The following SRGAP3 variants were observed in gnomAD, a reference collection of about 807,000 sequenced individuals.
SRGAP3 encodes the protein SLIT-ROBO Rho GTPase activating protein 3.
A neutral mutation model predicts 121.1 loss-of-function variants in SRGAP3; 39 were observed. That is an observed-to-expected ratio of 0.32 (90% confidence interval 0.25 to 0.42). SRGAP3 has a LOEUF of 0.42. Ranked by LOEUF, SRGAP3 falls within the 10% of genes least tolerant of loss-of-function variation. The pLI is 1.00. For synonymous variants in SRGAP3, 601 were observed against 570.0 expected, an observed-to-expected ratio of 1.05 and a Z score of -0.77; for missense variants, 1,213 against 1,470.6, an observed-to-expected ratio of 0.82 and a Z score of 2.86.
intron 3 of SRGAP3, among the ~76,000 whole-genome samples, chr3:9,259,904 C>T (rs574331483): frequency 6.6e-5 from 10 of 152,018 alleles, no homozygotes; most frequent in East Asian, 1.9e-4. Context: ...CAGCTCCCAG[C>T]GAGACCAAGA....
intron 1 of SRGAP3, among the ~76,000 whole-genome samples, chr3:9,186,685 A>C (rs1255281793): frequency 2.0e-5 from 3 of 152,076 alleles, no homozygotes; most frequent in African/African-American, 4.8e-5. Flanking sequence ...GCCCTCCCCA[A>C]ACCCTGCCAT....
chr3:9,028,893 T>C (rs1015489736), intron 12 of SRGAP3, among the ~76,000 whole-genome samples: 1 of 152,162 alleles, frequency 6.6e-6, no homozygotes, highest in Non-Finnish European at 1.5e-5. Flanking sequence ...GGGGCAGAAC[T>C]GGGGCCTTTA....
intron 1 of SRGAP3, among the ~76,000 whole-genome samples, chr3:9,130,627 C>A (rs1011709002): frequency 1.3e-5 from 2 of 152,198 alleles, no homozygotes; most frequent in African/African-American, 4.8e-5. Context: ...GACCGAGGCC[C>A]CTACAGGAAC....
rs943016363 is a variant in SRGAP3, at chr3:9,239,062, C to T, written c.67+9823G>A. Among the ~76,000 whole-genome samples, 2 of 152,278 alleles carry T rather than the reference C, an allele frequency of 1.3e-5. No homozygotes were observed. The highest frequency in any genetic ancestry group is 2.9e-5 in the Non-Finnish European group (2 of 68,018). On this transcript the variant is annotated intron_variant, in intron 1 of 21. Transcript: ENST00000383836. This position sits in a 1 kb window ranked among gnomAD's most constrained non-coding sequence, Gnocchi z 4.0. The stretch of plus-strand genomic sequence containing the variant: ...GAGGGAAACCCCAAATTGACTTATA[C>T]TTATTTCTGTCACCCCCAGCAGAAT...
At chr3:9,191,731 G>A (rs1052485410) in intron 1 of SRGAP3, among the ~76,000 whole-genome samples, 2 of 152,172 alleles carry the variant, frequency 1.3e-5, no homozygotes, top group East Asian at 1.9e-4. Flanking sequence ...CACATTGAAC[G>A]ATAATCCACA....
intron 5 of SRGAP3, among the ~76,000 whole-genome samples, chr3:9,063,532 T>A (rs1489931626): frequency 6.6e-6 from 1 of 151,880 alleles, no homozygotes; most frequent in African/African-American, 2.4e-5. Context: ...AGAGATGGAA[T>A]TTTGCCATTT....
chr3:9,123,589 C>A (rs1949102672), intron 2 of SRGAP3, among the ~76,000 whole-genome samples: 1 of 151,802 alleles, frequency 6.6e-6, no homozygotes, highest in South Asian at 2.1e-4. Flanking sequence ...CGTGGAATCT[C>A]AGCTACTCAG....
chr3:9,334,627 C>T (rs868429347), intron 1 of SRGAP3, among the ~76,000 whole-genome samples: 13 of 152,130 alleles, frequency 8.5e-5, no homozygotes, highest in African/African-American at 2.9e-4. Flanking sequence ...TAAACAAAGA[C>T]AAGATGGAGG....
chr3:9,148,519 G>T (rs550132797), intron 1 of SRGAP3, among the ~76,000 whole-genome samples: 4 of 152,292 alleles, frequency 2.6e-5, no homozygotes, highest in African/African-American at 9.6e-5. Context: ...TAGCTACTTT[G>T]GCAATTATTT....
intron 3 of SRGAP3, chr3:9,081,258 T>C (rs762664939): frequency 1.3e-5 from 6 of 456,532 alleles, no homozygotes; most frequent in Admixed American, 4.7e-5. Flanking sequence ...CATCTTACCA[T>C]TGCCTAGATC....
At chr3:9,101,951 A>G (rs1948232366) in intron 3 of SRGAP3, among the ~76,000 whole-genome samples, 1 of 152,224 alleles carries the variant, frequency 6.6e-6, no homozygotes, top group Admixed American at 6.5e-5. Flanking sequence ...GAAATGGAGA[A>G]TCATGAAAAG....
intron 3 of SRGAP3, among the ~76,000 whole-genome samples, chr3:9,289,107 C>T (rs1242799099): frequency 6.6e-6 from 1 of 152,020 alleles, no homozygotes; most frequent in East Asian, 1.9e-4. Context: ...CCACGTTGAT[C>T]ATGGTAGTCT....
chr3:9,187,686 C>A (rs576878008), intron 1 of SRGAP3, among the ~76,000 whole-genome samples: 1 of 152,298 alleles, frequency 6.6e-6, no homozygotes, highest in African/African-American at 2.4e-5. Context: ...ACAGGGCATG[C>A]TCTGCCTCTC....
chr3:9,264,772 A>G (rs1954322918), intron 3 of SRGAP3, among the ~76,000 whole-genome samples: 1 of 152,268 alleles, frequency 6.6e-6, no homozygotes, highest in Non-Finnish European at 1.5e-5. Context: ...GGAAGAATGA[A>G]TATCATGAAA....
At chr3:9,279,607 G>A (rs1012624162) in intron 3 of SRGAP3, among the ~76,000 whole-genome samples, 16 of 147,998 alleles carry the variant, frequency 1.1e-4, no homozygotes, top group African/African-American at 3.0e-4. Flanking sequence ...TCAACCTCCC[G>A]GGTTCAAGCA....
chr3:9,241,429 C>G (rs1953632260), intron 1 of SRGAP3, among the ~76,000 whole-genome samples: 1 of 152,198 alleles, frequency 6.6e-6, no homozygotes, highest in Non-Finnish European at 1.5e-5. Flanking sequence ...TTTCCCCAGA[C>G]TGGGAGGGGC....
At chr3:9,022,276 C>T (rs1441643891) in intron 14 of SRGAP3, among the ~76,000 whole-genome samples, 5 of 152,116 alleles carry the variant, frequency 3.3e-5, no homozygotes, top group South Asian at 4.1e-4. Context: ...TGCAGTGAGC[C>T]GAGATTCCGC....
intron 20 of SRGAP3, 92 bp downstream of exon 20, chr3:8,992,814 C>A: frequency 6.2e-7 from 1 of 1,605,784 alleles, no homozygotes; most frequent in Non-Finnish European, 8.5e-7. Context: ...CTGCAGTAGG[C>A]TCCTTCTCTC....
intron 13 of SRGAP3, 61 bp downstream of exon 13, chr3:9,026,874 C>G: frequency 1.3e-6 from 2 of 1,575,784 alleles, no homozygotes; most frequent in Non-Finnish European, 1.7e-6. Context: ...CATTTCCTAT[C>G]AGAACAGCCT....
Sources: gnomAD v4.1 joint callset for allele counts (sites outside exome capture counted in the v4.1 genomes callset) on GRCh38, gnomAD v4.1.1 for gene constraint, Gnocchi (gnomAD v3.1) non-coding constraint, MANE v1.5 for transcripts, NCBI Gene and HGNC (gene_info 2026-07-23, HGNC 2026-07-21) for gene names.